Variants in CDYL observed in about 807,000 individuals in gnomAD.
The protein encoded by CDYL is chromodomain Y-like protein.
CDYL carries 8 observed loss-of-function variants against 47.3 expected under a neutral mutation model. The observed-to-expected ratio is 0.17, with a 90% confidence interval of 0.10 to 0.31. The LOEUF (loss-of-function observed/expected upper bound fraction) is 0.31. CDYL is among the 10% of genes least tolerant of loss of function. The probability of loss-of-function intolerance (pLI) is 1.00; values close to 1 mark genes in which losing one functional copy is unlikely to be tolerated. For synonymous variants in CDYL, 266 were observed against 265.0 expected (o/e 1.00, Z -0.04); for missense variants, 471 against 701.4 (o/e 0.67, Z 3.71).
intron 1 of CDYL, among the ~76,000 whole-genome samples, chr6:4,713,715 G>T (rs1757200588): frequency 6.6e-6 from 1 of 151,758 alleles, no homozygotes; most frequent in Non-Finnish European, 1.5e-5. Flanking sequence ...AGCCCCCCAA[G>T]TAGCTGGGAT....
chr6:4,781,001 G>A (rs1369964285), intron 1 of CDYL, among the ~76,000 whole-genome samples: 1 of 152,140 alleles, frequency 6.6e-6, no homozygotes, highest in Admixed American at 6.5e-5. Flanking sequence ...AGTAGATGTG[G>A]AGTTATTCCC....
intron 2 of CDYL, among the ~76,000 whole-genome samples, chr6:4,926,468 C>T (rs963332382): frequency 3.4e-5 from 5 of 147,708 alleles, no homozygotes; most frequent in Admixed American, 1.3e-4. Flanking sequence ...ACTCTTTTTG[C>T]AGTTGAGACC....
intron 6 of CDYL, among the ~76,000 whole-genome samples, chr6:4,953,134 A>G (rs2127530887): frequency 6.6e-6 from 1 of 151,444 alleles, no homozygotes; most frequent in Non-Finnish European, 1.5e-5. Flanking sequence ...CTATAATCCC[A>G]GCACTTTGGG....
intron 4 of CDYL, among the ~76,000 whole-genome samples, chr6:4,941,439 C>T (rs1454083446): frequency 6.6e-6 from 1 of 152,184 alleles, no homozygotes; most frequent in Non-Finnish European, 1.5e-5. Flanking sequence ...GCACCACATC[C>T]ATTTCTGGCA....
intron 1 of CDYL, among the ~76,000 whole-genome samples, chr6:4,852,354 T>TCTTCCTTC (rs201796324): frequency 5.1e-5 from 7 of 137,002 alleles, no homozygotes; most frequent in African/African-American, 1.7e-4. Context: ...TTCCTTCCAA[T>TCTTCCTTC]CTTCCTTCCT....
At chr6:4,910,035 CTT>C (rs56321910) in intron 2 of CDYL, among the ~76,000 whole-genome samples, 69 of 147,766 alleles carry the variant, frequency 4.7e-4, no homozygotes, top group Admixed American at 5.4e-4. Flanking sequence ...ACACACATAC[CTT>C]TTTTTTTTTT....
At chr6:4,782,053 C>A (rs891778783) in intron 1 of CDYL, among the ~76,000 whole-genome samples, 1 of 96,284 alleles carries the variant, frequency 1.0e-5, no homozygotes, top group African/African-American at 4.1e-5. Context: ...TTAGGCTCTG[C>A]GTGGAGGTGG....
intron 1 of CDYL, among the ~76,000 whole-genome samples, chr6:4,890,437 G>T (rs1048801118): frequency 6.6e-6 from 1 of 151,884 alleles, no homozygotes; most frequent in African/African-American, 2.4e-5. Flanking sequence ...AATCGGCCCT[G>T]TGATGAGCTA....
At chr6:4,938,501 G>A (rs6913671) in intron 4 of CDYL, among the ~76,000 whole-genome samples, 82,787 of 152,026 alleles carry the variant, frequency 0.54, 24,685 homozygotes, top group East Asian at 0.76. Context: ...ACAACATGGT[G>A]TATTGAAACA....
Position 4,924,950 on chromosome 6 carries a change from C to T in CDYL, c.692-10565C>T, listed in dbSNP as rs551827861. 3.9e-5 allele frequency among the ~76,000 whole-genome samples: 6 copies of T among 152,266 alleles called. 1 individual carries two copies. The highest frequency in any genetic ancestry group is 2.1e-4 in the South Asian group (1 of 4,820). ...AGAAAAGCAAGTACTACAATAAATA[C>T]GATACATTATCTTGAAAAAGGACAG... is the stretch of plus-strand genomic sequence containing the variant. On this transcript the variant is annotated intron_variant, in intron 2 of 6. Transcript: ENST00000397588.
rs905566087 is a variant in CDYL at position 4,749,556 on chromosome 6, A to C, written c.186+14712A>C. 2.0e-5 allele frequency among the ~76,000 whole-genome samples: 3 copies of C among 152,210 alleles called. No individual in the cohort carries two copies. In the East Asian group the frequency reaches 5.8e-4, roughly 29 times the overall value. ...GGCTGCCACCACTATTCAGATAGTT[A>C]TTGAATAGACTGTTTCAATGTTTTC... On this transcript the variant is annotated intron_variant, in intron 3 of 8. Coordinates refer to the CDYL transcript ENST00000328908.
intron 2 of CDYL, among the ~76,000 whole-genome samples, chr6:4,923,480 C>CT (rs1757775808): frequency 6.6e-6 from 1 of 152,100 alleles, no homozygotes; most frequent in Non-Finnish European, 1.5e-5. Flanking sequence ...TTGATGGGCA[C>CT]TTAGGTTGGT....
At chr6:4,770,993 A>G (rs1361380267) in intron 3 of CDYL, among the ~76,000 whole-genome samples, 1 of 152,218 alleles carries the variant, frequency 6.6e-6, no homozygotes, top group Admixed American at 6.5e-5. Flanking sequence ...ATGCCTAAAT[A>G]TTTGTGTATA....
intron 1 of CDYL, among the ~76,000 whole-genome samples, chr6:4,874,538 C>T (rs1254606016): frequency 6.6e-6 from 1 of 152,166 alleles, no homozygotes; most frequent in Non-Finnish European, 1.5e-5. Context: ...AGACTGATCC[C>T]AGACTAAGCG....
At chr6:4,901,919 G>C (rs898338743) in intron 2 of CDYL, among the ~76,000 whole-genome samples, 1 of 152,010 alleles carries the variant, frequency 6.6e-6, no homozygotes, top group Admixed American at 6.6e-5. Flanking sequence ...CATCCTTCCC[G>C]CATGGAAGCA....
Position 4,935,784 on chromosome 6 carries a change from C to T in CDYL, c.948+13C>T, listed in dbSNP as rs199966518. On this transcript the variant is annotated intron_variant, in intron 3 of 6. Transcript: ENST00000397588. ...ACTAAATCCAGAGGTGAGAGGCGCT[C>T]TTGGGCTGGCGTGGGCTTCGCGCTT... The T allele has an allele frequency of 6.2e-7, 1 of 1,612,492 alleles. No homozygotes were observed. Among genetic ancestry groups the T allele is most frequent in the Non-Finnish European group, 8.5e-7 (1 of 1,178,654 alleles).
At chr6:4,867,483 G>A (rs1382437458) in intron 1 of CDYL, among the ~76,000 whole-genome samples, 1 of 152,106 alleles carries the variant, frequency 6.6e-6, no homozygotes, top group Non-Finnish European at 1.5e-5. Context: ...ATCAAGTTGA[G>A]AATGTTCCCT....
chr6:4,737,593 G>T (rs950759039), intron 3 of CDYL, among the ~76,000 whole-genome samples: 1 of 151,316 alleles, frequency 6.6e-6, no homozygotes, highest in Admixed American at 6.6e-5. Flanking sequence ...GTTGCAGTGA[G>T]CCGTGATCAT....
At chr6:4,873,157 A>G (rs1761522705) in intron 1 of CDYL, among the ~76,000 whole-genome samples, 1 of 152,232 alleles carries the variant, frequency 6.6e-6, no homozygotes, top group Admixed American at 6.5e-5. Context: ...TTTGTACCAG[A>G]CACCATTCTG....
Sources: allele counts gnomAD v4.1 joint callset (sites outside exome capture counted in the v4.1 genomes callset), GRCh38; gene constraint gnomAD v4.1.1; transcripts MANE v1.5; gene names NCBI Gene and HGNC (gene_info 2026-07-23, HGNC 2026-07-21).